The following SCFD2 variants were observed in gnomAD, a reference collection of about 807,000 sequenced individuals.
SCFD2 encodes sec1 family domain-containing protein 2.
In SCFD2, 54 loss-of-function variants were observed where a neutral mutation model predicts 58.9. The observed-to-expected ratio is 0.92, with a 90% CI of 0.74 to 1.15. The LOEUF is 1.15. Ranked by LOEUF, SCFD2 falls within the 50% of genes most tolerant of loss-of-function variation. The probability of loss-of-function intolerance (pLI) is 0.00; values close to 1 mark genes in which losing one functional copy is unlikely to be tolerated. For missense variants in SCFD2, 805 were observed against 836.6 expected, an observed-to-expected ratio of 0.96 and a Z score of 0.47; for synonymous variants, 321 against 335.9, an observed-to-expected ratio of 0.96 and a Z score of 0.49.
chr4:52,908,876 T>A (rs1389146832), intron 6 of SCFD2, among the ~76,000 whole-genome samples: 1 of 152,228 alleles, frequency 6.6e-6, no homozygotes, highest in East Asian at 1.9e-4. Context: ...GACCATTGTT[T>A]GTCCAGAGAT....
intron 5 of SCFD2, among the ~76,000 whole-genome samples, chr4:52,943,616 G>A (rs1310142710): frequency 1.3e-5 from 2 of 152,048 alleles, no homozygotes; most frequent in African/African-American, 2.4e-5. Flanking sequence ...CCCCTCCATA[G>A]AGCCCCTTTA....
At chr4:53,077,279 A>C (rs1348995449) in intron 5 of SCFD2, among the ~76,000 whole-genome samples, 1 of 152,186 alleles carries the variant, frequency 6.6e-6, no homozygotes, top group Non-Finnish European at 1.5e-5. Flanking sequence ...TTTCAGTATT[A>C]AGATCTAATT....
chr4:53,044,849 T>C (rs1577681895), intron 5 of SCFD2, among the ~76,000 whole-genome samples: 1 of 148,526 alleles, frequency 6.7e-6, no homozygotes. Context: ...TTCCTTTTTG[T>C]CTGCACATAA....
chr4:53,265,697 T>A (rs1270119783), intron 4 of SCFD2: 2 of 152,202 alleles, frequency 1.3e-5, no homozygotes, highest in South Asian at 2.1e-4. Flanking sequence ...TATAGTTTTA[T>A]AATAAGTGGT....
intron 4 of SCFD2, among the ~76,000 whole-genome samples, chr4:53,238,922 G>A (rs1275743372): frequency 9.9e-4 from 150 of 151,932 alleles, no homozygotes; most frequent in Non-Finnish European, 1.8e-3. Context: ...GATGATGGGC[G>A]GCCAGGCAGA....
intron 5 of SCFD2, among the ~76,000 whole-genome samples, chr4:53,046,930 C>T (rs538302669): frequency 6.6e-6 from 1 of 152,266 alleles, no homozygotes; most frequent in East Asian, 1.9e-4. Context: ...CATTGGTCTC[C>T]CAAAGTGCTG....
At chr4:53,273,714 G>T (rs1731244319) in intron 4 of SCFD2, 112 bp downstream of exon 4, 1 of 934,830 alleles carries the variant, frequency 1.1e-6, no homozygotes, top group Non-Finnish European at 1.5e-6. Flanking sequence ...ATGAAGCAGG[G>T]CACATGTCAA....
intron 8 of SCFD2, among the ~76,000 whole-genome samples, chr4:52,880,699 G>A (rs188793881): frequency 1.1e-3 from 169 of 152,308 alleles, no homozygotes; most frequent in African/African-American, 3.4e-3. Flanking sequence ...GTGTGGGTGC[G>A]GCAAGCACGT....
At chr4:53,295,586 G>A (rs377033671) in intron 3 of SCFD2, among the ~76,000 whole-genome samples, 1 of 152,306 alleles carries the variant, frequency 6.6e-6, no homozygotes, top group East Asian at 1.9e-4. Flanking sequence ...TCTGCAGAGA[G>A]AGACAATTTG....
chr4:53,205,201 TATAAG>T (rs1451573386), intron 4 of SCFD2, among the ~76,000 whole-genome samples: 2 of 152,020 alleles, frequency 1.3e-5, no homozygotes, highest in Non-Finnish European at 2.9e-5. Context: ...GCACTACACA[TATAAG>T]ATAAGCAGTC....
intron 5 of SCFD2, among the ~76,000 whole-genome samples, chr4:53,056,270 G>A (rs576199159): frequency 6.6e-6 from 1 of 152,180 alleles, no homozygotes; most frequent in South Asian, 2.1e-4. Flanking sequence ...AATACAGCCA[G>A]TGGACCTAGA....
At chr4:52,896,554 G>A (rs1300527818) in intron 7 of SCFD2, among the ~76,000 whole-genome samples, 1 of 152,138 alleles carries the variant, frequency 6.6e-6, no homozygotes, top group Non-Finnish European at 1.5e-5. Flanking sequence ...CGCTGTTTTG[G>A]TTACTGTAGC....
intron 7 of SCFD2, among the ~76,000 whole-genome samples, chr4:52,901,166 G>A (rs1560475281): frequency 6.6e-6 from 1 of 152,184 alleles, no homozygotes; most frequent in East Asian, 1.9e-4. Flanking sequence ...CCGCTGTCCG[G>A]CATTCCCTCG....
At chr4:53,342,650 T>C (rs1021119343) in intron 2 of SCFD2, among the ~76,000 whole-genome samples, 3 of 152,220 alleles carry the variant, frequency 2.0e-5, no homozygotes, top group Non-Finnish European at 4.4e-5. Context: ...ATACACAGAA[T>C]ATACATTCTT....
intron 5 of SCFD2, among the ~76,000 whole-genome samples, chr4:53,057,090 C>T (rs1723363051): frequency 6.6e-6 from 1 of 152,160 alleles, no homozygotes; most frequent in African/African-American, 2.4e-5. Context: ...GAGGCTGAGG[C>T]AGGAGAATCA....
intron 4 of SCFD2, among the ~76,000 whole-genome samples, chr4:53,243,752 C>A (rs1173069484): frequency 6.6e-6 from 1 of 151,502 alleles, no homozygotes; most frequent in African/African-American, 2.4e-5. Context: ...AGAGACCCAT[C>A]TCACATGTGA....
chr4:53,209,725 G>T (rs1222007986), intron 4 of SCFD2, among the ~76,000 whole-genome samples: 2 of 151,722 alleles, frequency 1.3e-5, no homozygotes, highest in African/African-American at 2.4e-5. Context: ...TGTTCTTACA[G>T]TCCTTAGATT....
At position 53,076,665 on chromosome 4, in the gene SCFD2, A is replaced by C. The variant is rs1723985321; in HGVS notation, c.1561+68668T>G. Among the ~76,000 whole-genome samples, 5 of 152,134 alleles carry C rather than the reference A, an allele frequency of 3.3e-5. No individual in the cohort carries two copies. The South Asian group carries it at 8.3e-4, about 25-fold the overall frequency. On this transcript the variant is annotated intron_variant, in intron 5 of 8. Transcript: ENST00000401642. Reference sequence around the variant, plus strand: ...TTTTAAAAGCTGTGAGGAAAAAAGGACCTGCCAGGTCTGAGCATTGAAATA... The same window carrying C: ...TTTTAAAAGCTGTGAGGAAAAAAGGCCCTGCCAGGTCTGAGCATTGAAATA...
chr4:52,959,318 T>C (rs748574108), intron 5 of SCFD2, among the ~76,000 whole-genome samples: 53 of 152,176 alleles, frequency 3.5e-4, no homozygotes, highest in Middle Eastern at 6.8e-3. Flanking sequence ...CAAAGAGGGA[T>C]GTATGGGCTG....
Sources: allele counts gnomAD v4.1 joint callset (sites outside exome capture counted in the v4.1 genomes callset), GRCh38; gene constraint gnomAD v4.1.1; transcripts MANE v1.5; gene names NCBI Gene and HGNC (gene_info 2026-07-23, HGNC 2026-07-21).